IFNLR1: variants seen among roughly 807,000 people sequenced by gnomAD.
The protein encoded by IFNLR1 is CRF2-12.
A neutral mutation model predicts 52.5 loss-of-function variants in IFNLR1; 28 were observed. That is an observed-to-expected ratio of 0.53 (90% CI 0.40 to 0.73). The LOEUF (loss-of-function observed/expected upper bound fraction) is 0.73. Ranked by LOEUF, IFNLR1 falls within the 30% of genes least tolerant of loss-of-function variation. IFNLR1 has a pLI of 0.00. For synonymous variants in IFNLR1, 276 were observed against 274.9 expected, an observed-to-expected ratio of 1.00 and a Z score of -0.04; for missense variants, 623 against 659.1, an observed-to-expected ratio of 0.95 and a Z score of 0.60.
chr1:24,180,891 C>T (rs1644684006), intron 1 of IFNLR1, 37 bp from the exon 2 acceptor site: 1 of 1,602,818 alleles, frequency 6.2e-7, no homozygotes, highest in Non-Finnish European at 8.5e-7. Flanking sequence ...CCTGGAGCTC[C>T]TGGCTGGTCT....
rs1644383379 is a variant in IFNLR1, at chr1:24,156,834, C to T, written c.*296G>A. On this transcript the variant is annotated 3_prime_UTR_variant, in exon 7 of 7. Coordinates refer to ENST00000327535, the MANE Select transcript of IFNLR1 (RefSeq NM_170743.4). Reference sequence around the variant, plus strand: ...TCATGTTGTCCGGGGATAATTTTTCCCCCTGGCCTGTCACCCTAGGGACAA... The same window carrying T: ...TCATGTTGTCCGGGGATAATTTTTCTCCCTGGCCTGTCACCCTAGGGACAA... 1 of 424,602 alleles carries T rather than the reference C, an allele frequency of 2.4e-6. No homozygotes were observed. Among genetic ancestry groups the T allele is most frequent in the East Asian group, 4.2e-5 (1 of 24,012 alleles). The allele number at this position is 424,602 out of a possible 1,614,324, so 26.3% of individuals were successfully genotyped here.
At chr1:24,182,676 C>G (rs1644702552) in intron 1 of IFNLR1, among the ~76,000 whole-genome samples, 1 of 151,968 alleles carries the variant, frequency 6.6e-6, no homozygotes, top group Admixed American at 6.6e-5. Flanking sequence ...AATCCCAGTA[C>G]TTTGGGAGGC....
chr1:24,156,308 C>T lies in IFNLR1; in HGVS notation c.*822G>A, dbSNP rs1167737339. 6.6e-6 allele frequency: 1 copy of T among 152,360 alleles called. No homozygotes were observed. The highest frequency in any genetic ancestry group is 1.5e-5 in the Non-Finnish European group (1 of 68,214). The allele number at this position is 152,360 out of a possible 1,614,324, so 9.4% of individuals were successfully genotyped here. A position where few individuals can be genotyped will look rare whatever the true frequency, so the allele number is the denominator to read the frequency against. On this transcript the variant is annotated 3_prime_UTR_variant, in exon 7 of 7. Transcript: ENST00000327535. ...TTAGGGGCCACAGGTGGGAGATGCC[C>T]AGGGGTCTCCTGGAGCCTGGATAGA... is the stretch of plus-strand genomic sequence containing the variant.
intron 1 of IFNLR1, among the ~76,000 whole-genome samples, chr1:24,181,241 T>C (rs1644688012): frequency 6.6e-6 from 1 of 152,180 alleles, no homozygotes; most frequent in Non-Finnish European, 1.5e-5. Flanking sequence ...GAATGAATAT[T>C]ACAATAACAT....
intron 3 of IFNLR1, among the ~76,000 whole-genome samples, chr1:24,166,791 G>C (rs1449387723): frequency 6.6e-6 from 1 of 151,644 alleles, no homozygotes; most frequent in African/African-American, 2.4e-5. Flanking sequence ...AGGCTCAAGT[G>C]ATCTGCCTAC....
At chr1:24,179,017 T>G (rs1644662192) in intron 2 of IFNLR1, among the ~76,000 whole-genome samples, 3 of 152,086 alleles carry the variant, frequency 2.0e-5, no homozygotes, top group Admixed American at 1.3e-4. Context: ...CTCAGCTCAC[T>G]GCAACCTCCA....
intron 2 of IFNLR1, among the ~76,000 whole-genome samples, chr1:24,179,148 C>G (rs1038486157): frequency 6.6e-6 from 1 of 151,826 alleles, no homozygotes; most frequent in Admixed American, 6.6e-5. Flanking sequence ...AGGGTTTCAC[C>G]ATGTTACCCA....
chr1:24,180,507 C>T (rs184539450), intron 2 of IFNLR1, among the ~76,000 whole-genome samples: 34 of 152,234 alleles, frequency 2.2e-4, no homozygotes, highest in African/African-American at 7.5e-4. Flanking sequence ...ACCCCCGCCC[C>T]GGCAGACTGG....
intron 3 of IFNLR1, among the ~76,000 whole-genome samples, chr1:24,164,714 C>T (rs1200830733): frequency 6.6e-6 from 1 of 151,534 alleles, no homozygotes; most frequent in East Asian, 1.9e-4. Context: ...TTGGTATAAT[C>T]ACATACTTGG....
intron 2 of IFNLR1, among the ~76,000 whole-genome samples, chr1:24,170,287 T>TAC (rs1328194789): frequency 6.6e-6 from 1 of 152,236 alleles, no homozygotes; most frequent in African/African-American, 2.4e-5. Context: ...TTATTAGAAT[T>TAC]ACACCATTCT....
chr1:24,187,235 T>C lies in IFNLR1; in HGVS notation c.14A>G (p.Glu5Gly). MAGP[E>G]RWGPLLLCLL... is the part of the protein sequence containing the mutation. ...GCACAGGAGCAGGGGGCCCCAGCGC[T>C]CGGGCCCCGCCATGGCCTTCCTGCC... The change falls in exon 1 of 7, where the codon GAG becomes GGG. Residue 5 changes from glutamate (E) to glycine (G), a missense_variant. Physicochemically the swap from Glu to Gly is moderately conservative, Grantham distance 98. Transcript: ENST00000327535. The C allele has an allele frequency of 1.6e-6, 2 of 1,283,908 alleles. No individual in the cohort carries two copies. The highest frequency in any genetic ancestry group is 2.0e-6 in the Non-Finnish European group (2 of 1,015,190). The allele number at this position is 1,283,908 out of a possible 1,614,324, so 79.5% of individuals were successfully genotyped here.
At position 24,154,513 on chromosome 1, in the gene IFNLR1, G is replaced by T. The variant is rs1644359353; in HGVS notation, c.*2617C>A. On this transcript the variant is annotated 3_prime_UTR_variant, in exon 7 of 7. Coordinates refer to ENST00000327535, the MANE Select transcript of IFNLR1 (RefSeq NM_170743.4). ...CCAAATGCTTCTCCTGGCTTTTTGTGAATGACTTAATGACGATAAAGGAGA... is the reference window on the plus strand; with the variant it reads ...CCAAATGCTTCTCCTGGCTTTTTGTTAATGACTTAATGACGATAAAGGAGA... The T allele has an allele frequency of 6.6e-6, 1 of 152,158 alleles. No individual in the cohort carries two copies. The allele number at this position is 152,158 out of a possible 1,614,324, so 9.4% of individuals were successfully genotyped here.
intron 4 of IFNLR1, 72 bp from the exon 5 acceptor site, chr1:24,159,705 G>A (rs1644420685): frequency 7.1e-7 from 1 of 1,407,422 alleles, no homozygotes; most frequent in Non-Finnish European, 9.8e-7. Flanking sequence ...GACAGAGTGG[G>A]GTTGGCAGAC....
chr1:24,165,231 C>G (rs1644506378), intron 3 of IFNLR1, among the ~76,000 whole-genome samples: 2 of 152,140 alleles, frequency 1.3e-5, no homozygotes, highest in Non-Finnish European at 1.5e-5. Context: ...TATTTGGAAA[C>G]CTTCTCGGAT....
At chr1:24,184,046 T>C (rs1315181464) in intron 1 of IFNLR1, among the ~76,000 whole-genome samples, 2 of 152,080 alleles carry the variant, frequency 1.3e-5, no homozygotes, top group Non-Finnish European at 2.9e-5. Flanking sequence ...CCAGAGTCTT[T>C]ACAATCACCA....
Position 24,157,403 on chromosome 1 carries a change from G to T in IFNLR1, c.1290C>A (p.Phe430Leu). The T allele has an allele frequency of 6.2e-7, 1 of 1,614,200 alleles. No individual in the cohort carries two copies. The change falls in exon 7 of 7, where the codon TTC (phenylalanine) becomes TTA (leucine). Residue 430 changes from phenylalanine to leucine, a missense_variant. Phe to Leu is a conservative substitution (Grantham distance 22). Transcript: ENST00000327535. The surrounding 1 kb of genome is among the most constrained non-coding windows in gnomAD (Gnocchi z 5.1). ...GHQESLPPPE[F>L]SKDSGFLEEL... is the part of the protein sequence containing the mutation. ...CTTCCAGGAAACCCGAGTCCTTGGA[G>T]AATTCAGGTGGTGGGAGAGATTCTT...
chr1:24,179,092 C>T (rs908321065), intron 2 of IFNLR1, among the ~76,000 whole-genome samples: 1 of 151,972 alleles, frequency 6.6e-6, no homozygotes, highest in African/African-American at 2.4e-5. Flanking sequence ...CAGGCACATG[C>T]TACTACACTT....
rs1240178810 is a variant in IFNLR1, at chr1:24,157,300, G to A, written c.1393C>T (p.Pro465Ser). The A allele has an allele frequency of 3.1e-6, 5 of 1,614,190 alleles. No individual in the cohort carries two copies. The highest frequency in any genetic ancestry group is 1.6e-4 in the Middle Eastern group (1 of 6,062). Residue 465 changes from proline (P) to serine (S), a missense_variant, in exon 7 of 7, where the codon CCC (proline) becomes TCC (serine). Coordinates refer to ENST00000327535, the MANE Select transcript of IFNLR1 (RefSeq NM_170743.4). The surrounding 1 kb of genome is among the most constrained non-coding windows in gnomAD (Gnocchi z 5.1). ...GTCAGTGTCTGAAGAGAAACTGGGG[G>A]TCCCCCAGGGACCAGATTCGGCTCC... ...PPEPNLVPGGPPVSLQTLTFC... is the reference protein window; with the variant it reads ...PPEPNLVPGGSPVSLQTLTFC...
intron 3 of IFNLR1, among the ~76,000 whole-genome samples, chr1:24,165,510 C>T (rs1644510160): frequency 6.6e-6 from 1 of 152,208 alleles, no homozygotes; most frequent in Non-Finnish European, 1.5e-5. Context: ...TTCCACATTC[C>T]TACCGATAGT....
Sources: gnomAD v4.1 joint callset for allele counts (sites outside exome capture counted in the v4.1 genomes callset) on GRCh38, gnomAD v4.1.1 for gene constraint, Gnocchi (gnomAD v3.1) non-coding constraint, MANE v1.5 for transcripts, NCBI Gene and HGNC (gene_info 2026-07-23, HGNC 2026-07-21) for gene names.